The following BRSK2 variants were observed in gnomAD, a reference collection of about 807,000 sequenced individuals.
BRSK2 encodes BR serine/threonine kinase 2.
In BRSK2, 19 loss-of-function variants were observed where a neutral mutation model predicts 83.3. That is an observed-to-expected ratio of 0.23 (90% CI 0.16 to 0.33). The LOEUF (loss-of-function observed/expected upper bound fraction) is 0.33. Ranked by LOEUF, BRSK2 falls within the 10% of genes least tolerant of loss-of-function variation. The pLI is 1.00. For missense variants in BRSK2, 798 were observed against 1,042.3 expected (o/e 0.77, Z 3.23); for synonymous variants, 519 against 435.4 (o/e 1.19, Z -2.39).
At chr11:1,429,149 T>C (rs1849627936) in intron 1 of BRSK2, among the ~76,000 whole-genome samples, 3 of 141,790 alleles carry the variant, frequency 2.1e-5, no homozygotes, top group Admixed American at 1.4e-4. Context: ...CACGTGTGCA[T>C]GGGTGTGTGT....
chr11:1,440,574 C>A (rs1468433895), intron 3 of BRSK2, among the ~76,000 whole-genome samples: 14 of 149,604 alleles, frequency 9.4e-5, no homozygotes, highest in Non-Finnish European at 1.2e-4. Flanking sequence ...CCAACCCAGG[C>A]TCCTTGAAGA....
chr11:1,426,217 T>TGGGGATGTGTGTGGGGCGTGCTCC (rs138948555), intron 1 of BRSK2, among the ~76,000 whole-genome samples: 5 of 139,914 alleles, frequency 3.6e-5, no homozygotes, highest in African/African-American at 1.1e-4. Context: ...CAGCGGGCAC[T>TGGGGATGTGTGTGGGGCGTGCTCC]GGGGATGTGT....
chr11:1,400,780 C>T (rs764327764), intron 1 of BRSK2, among the ~76,000 whole-genome samples: 30 of 152,352 alleles, frequency 2.0e-4, no homozygotes, highest in Non-Finnish European at 3.4e-4. Flanking sequence ...CCACCCACCC[C>T]GGACACTGTG....
chr11:1,400,177 G>A (rs937493016), intron 1 of BRSK2, among the ~76,000 whole-genome samples: 2 of 152,220 alleles, frequency 1.3e-5, no homozygotes, highest in African/African-American at 4.8e-5. Flanking sequence ...CGCCAGCCCA[G>A]TCTCCCTGCA....
At chr11:1,441,238 C>T (rs1411530953) in intron 4 of BRSK2, among the ~76,000 whole-genome samples, 1 of 62,584 alleles carries the variant, frequency 1.6e-5, no homozygotes, top group African/African-American at 7.1e-5. Context: ...CCCTCAAGTG[C>T]ACCGTCCCCC....
intron 1 of BRSK2, among the ~76,000 whole-genome samples, chr11:1,416,089 G>A (rs1848071879): frequency 6.6e-6 from 1 of 152,278 alleles, no homozygotes; most frequent in South Asian, 2.1e-4. Flanking sequence ...CAATGGCCAG[G>A]GCCTGGGGCC....
At chr11:1,435,816 A>G (rs561684482) in intron 1 of BRSK2, among the ~76,000 whole-genome samples, 63 of 151,864 alleles carry the variant, frequency 4.1e-4, no homozygotes, top group Admixed American at 1.7e-3. Flanking sequence ...TGAGAAGCCC[A>G]AAGGGCCGGC....
At chr11:1,437,497 C>T (rs1457673275) in intron 2 of BRSK2, among the ~76,000 whole-genome samples, 1 of 152,210 alleles carries the variant, frequency 6.6e-6, no homozygotes, top group African/African-American at 2.4e-5. Context: ...TACCTCGGAG[C>T]AGGACTGGGT....
At position 1,427,445 on chromosome 11, in the gene BRSK2, C is replaced by T. The variant is rs546858098; in HGVS notation, c.92-8595C>T. Reference sequence around the variant, plus strand: ...GAGCACCTGGGGGCACCCGTGTTAACGTGCTAGTCTGCTCCCTGAGGCCCA... The same window carrying T: ...GAGCACCTGGGGGCACCCGTGTTAATGTGCTAGTCTGCTCCCTGAGGCCCA... On this transcript the variant is annotated intron_variant, in intron 1 of 19. Coordinates refer to ENST00000528841, the MANE Select transcript of BRSK2 (RefSeq NM_001256627.2). Among the ~76,000 whole-genome samples the T allele has an allele frequency of 5.9e-5, 9 of 152,308 alleles. No individual in the cohort carries two copies. The South Asian group carries it at 1.4e-3, about 25-fold the overall frequency.
At chr11:1,411,266 A>T (rs1215498485) in intron 1 of BRSK2, 1 of 1,306,002 alleles carries the variant, frequency 7.7e-7, no homozygotes, top group Non-Finnish European at 9.7e-7. Context: ...CCTGGGCCAG[A>T]TCAGCAGGAA....
chr11:1,450,770 C>A lies in BRSK2; in HGVS notation c.1471C>A (p.Arg491Ser). 6.3e-7 allele frequency: 1 copy of A among 1,595,130 alleles called. No individual in the cohort carries two copies. Among genetic ancestry groups the A allele is most frequent in the Non-Finnish European group, 8.5e-7 (1 of 1,173,154 alleles). Reference protein sequence around the residue: ...SIKNSFLGSPRFHRRKLQVPT... With the variant: ...SIKNSFLGSPSFHRRKLQVPT... ...CAAGAACAGCTTTCTGGGCTCACCC[C>A]GCTTCCACCGCCGGAAACTGCAAGG... The change falls in exon 14 of 20, where the codon CGC becomes AGC. Residue 491 changes from arginine (R) to serine (S), a missense_variant. Around this residue, in one of 6 missense-constraint regions of BRSK2, gnomAD observed 455 missense variants for 455.2 expected, o/e 1.00. Transcript: ENST00000528841.
At chr11:1,429,295 CGT>C (rs745731781) in intron 1 of BRSK2, among the ~76,000 whole-genome samples, 37 of 95,394 alleles carry the variant, frequency 3.9e-4, no homozygotes, top group East Asian at 9.8e-4. Flanking sequence ...GTGCACTGGG[CGT>C]GTGTCCTGGG....
At chr11:1,457,474 A>C (rs1846743143) in intron 18 of BRSK2, among the ~76,000 whole-genome samples, 1 of 152,158 alleles carries the variant, frequency 6.6e-6, no homozygotes, top group Admixed American at 6.5e-5. Context: ...GCCACTCGGC[A>C]TACGGCAGGG....
At chr11:1,428,733 T>C (rs569040143) in intron 1 of BRSK2, among the ~76,000 whole-genome samples, 1 of 152,350 alleles carries the variant, frequency 6.6e-6, no homozygotes, top group South Asian at 2.1e-4. Context: ...TGTGCATGTT[T>C]GTACGTATGT....
intron 2 of BRSK2, among the ~76,000 whole-genome samples, chr11:1,436,345 G>A (rs1850300163): frequency 6.6e-6 from 1 of 152,132 alleles, no homozygotes; most frequent in African/African-American, 2.4e-5. Flanking sequence ...CCTTTCTCCT[G>A]CCTCCAAGCA....
At chr11:1,402,379 T>G (rs895650260) in intron 1 of BRSK2, among the ~76,000 whole-genome samples, 5 of 152,210 alleles carry the variant, frequency 3.3e-5, no homozygotes, top group African/African-American at 1.2e-4. Flanking sequence ...GAAGGTGGCC[T>G]TGGGGGTGGA....
chr11:1,456,828 CTG>C, intron 18 of BRSK2, 141 bp downstream of exon 18: 1 of 1,327,518 alleles, frequency 7.5e-7, no homozygotes, highest in South Asian at 1.3e-5. Context: ...CTGCCCCGAG[CTG>C]TGGCTGCACC....
intron 19 of BRSK2, 130 bp from the exon 20 acceptor site, chr11:1,460,370 C>A: frequency 1.9e-6 from 2 of 1,063,386 alleles, no homozygotes; most frequent in Non-Finnish European, 2.6e-6. Flanking sequence ...TTCTTTCCCT[C>A]GTCGAGGCCT....
intron 15 of BRSK2, among the ~76,000 whole-genome samples, chr11:1,452,619 GCCCGGCACAGACACC>G (rs1466274906): frequency 6.0e-4 from 91 of 151,454 alleles, no homozygotes; most frequent in Non-Finnish European, 7.1e-4. Context: ...CCACCCAAGG[GCCCGGCACAGACACC>G]CCTTCCCAAG....
Sources: allele counts gnomAD v4.1 joint callset (sites outside exome capture counted in the v4.1 genomes callset), GRCh38; gene constraint gnomAD v4.1.1; regional missense constraint gnomAD v4.1.1; transcripts MANE v1.5; gene names NCBI Gene and HGNC (gene_info 2026-07-23, HGNC 2026-07-21).